NTM: variants seen among roughly 807,000 people sequenced by gnomAD.
NTM encodes neurotrimin, also known as IgLON family member 2.
NTM carries 13 observed loss-of-function variants against 42.1 expected under a neutral mutation model. The observed-to-expected ratio is 0.31, with a 90% CI of 0.20 to 0.49. The LOEUF is 0.49. Among genes scored for constraint, NTM ranks in the 20% least tolerant of loss-of-function variants. The pLI is 0.99. For synonymous variants in NTM, 187 were observed against 179.2 expected (o/e 1.04, Z -0.35); for missense variants, 373 against 452.8 (o/e 0.82, Z 1.60).
chr11:132,327,983 T>C (rs189362716), intron 7 of NTM, among the ~76,000 whole-genome samples: 4 of 152,200 alleles, frequency 2.6e-5, no homozygotes, highest in African/African-American at 7.2e-5. Flanking sequence ...AAGCTTGAAT[T>C]TTCAGGGATT....
At chr11:132,095,512 G>A (rs2060864695) in intron 2 of NTM, among the ~76,000 whole-genome samples, 2 of 152,188 alleles carry the variant, frequency 1.3e-5, no homozygotes, top group Admixed American at 1.3e-4. Flanking sequence ...TGAAAGCCCT[G>A]AACTGAGAGG....
chr11:131,567,674 G>T (rs529269458), intron 1 of NTM, among the ~76,000 whole-genome samples: 1 of 152,314 alleles, frequency 6.6e-6, no homozygotes, highest in Non-Finnish European at 1.5e-5. Context: ...TTAATAAATA[G>T]TGATAATTTC....
intron 1 of NTM, among the ~76,000 whole-genome samples, chr11:131,488,247 T>G (rs753120888): frequency 5.3e-5 from 8 of 152,184 alleles, no homozygotes; most frequent in Non-Finnish European, 1.2e-4. Flanking sequence ...CGGGTGGTCT[T>G]TCTGCTTTTT....
intron 1 of NTM, among the ~76,000 whole-genome samples, chr11:131,409,233 T>C (rs1022175888): frequency 6.6e-6 from 1 of 152,308 alleles, no homozygotes; most frequent in South Asian, 2.1e-4. Flanking sequence ...ATCAAACACT[T>C]GTTTGAGAAG....
chr11:132,248,822 C>G (rs1180716139), intron 4 of NTM, among the ~76,000 whole-genome samples: 1 of 152,246 alleles, frequency 6.6e-6, no homozygotes, highest in Non-Finnish European at 1.5e-5. Flanking sequence ...TTTTGCTCAG[C>G]TGCACTGCCA....
At chr11:132,328,948 T>C (rs1490428715) in intron 7 of NTM, among the ~76,000 whole-genome samples, 1 of 152,138 alleles carries the variant, frequency 6.6e-6, no homozygotes, top group Non-Finnish European at 1.5e-5. Context: ...TCAGATATTT[T>C]CTCAATCACA....
chr11:132,156,097 A>G (rs1187551933), intron 3 of NTM, among the ~76,000 whole-genome samples: 1 of 152,050 alleles, frequency 6.6e-6, no homozygotes, highest in Non-Finnish European at 1.5e-5. Context: ...TGCACCCCTC[A>G]CCCCTCATTT....
At chr11:131,548,506 T>C (rs1434197121) in intron 1 of NTM, among the ~76,000 whole-genome samples, 3 of 152,196 alleles carry the variant, frequency 2.0e-5, no homozygotes, top group African/African-American at 7.2e-5. Flanking sequence ...AAAGTTATAA[T>C]AATTATGATA....
At chr11:132,109,063 C>T (rs969233436) in intron 2 of NTM, among the ~76,000 whole-genome samples, 3 of 152,184 alleles carry the variant, frequency 2.0e-5, no homozygotes, top group African/African-American at 7.2e-5. Context: ...CATAGTGTTC[C>T]ATGGTGAATA....
intron 1 of NTM, among the ~76,000 whole-genome samples, chr11:131,847,214 GGTAA>G (rs2045014990): frequency 2.0e-5 from 3 of 151,962 alleles, no homozygotes; most frequent in South Asian, 2.1e-4. Context: ...CTAGTAAAGT[GGTAA>G]GTATTAAGTG....
intron 1 of NTM, among the ~76,000 whole-genome samples, chr11:131,851,389 C>T (rs757391206): frequency 6.6e-6 from 1 of 152,096 alleles, no homozygotes; most frequent in Non-Finnish European, 1.5e-5. Flanking sequence ...TCAGCCCTCC[C>T]GCTAATAGAA....
chr11:131,559,429 C>CT (rs1020261082), intron 1 of NTM, among the ~76,000 whole-genome samples: 5 of 152,176 alleles, frequency 3.3e-5, no homozygotes, highest in East Asian at 1.9e-4. Context: ...TTCTCCACTC[C>CT]TTTTTTCCCA....
At chr11:131,607,556 T>C (rs951143289) in intron 1 of NTM, among the ~76,000 whole-genome samples, 1 of 152,152 alleles carries the variant, frequency 6.6e-6, no homozygotes, top group African/African-American at 2.4e-5. Context: ...ATGGCCTCTC[T>C]CTCCTGGGGT....
chr11:131,680,429 CTG>C (rs1357092179), intron 1 of NTM, among the ~76,000 whole-genome samples: 2 of 140,560 alleles, frequency 1.4e-5, no homozygotes, highest in Non-Finnish European at 3.1e-5. Flanking sequence ...GCCTCTGTGT[CTG>C]TGTGTGAGAT....
intron 2 of NTM, among the ~76,000 whole-genome samples, chr11:132,115,206 A>C (rs916188467): frequency 6.6e-6 from 1 of 152,282 alleles, no homozygotes; most frequent in Middle Eastern, 3.4e-3. Context: ...TACGTAGGGT[A>C]ATTCTGGAGA....
rs992326130 is a variant in NTM, at chr11:132,146,043, G to A, written c.168-239G>A. On this transcript the variant is annotated intron_variant, in intron 2 of 8. Coordinates refer to ENST00000683400, the MANE Select transcript of NTM (RefSeq NM_001352005.2). This position sits in a 1 kb window ranked among gnomAD's most constrained non-coding sequence, Gnocchi z 4.5. ...GTACCTCTAGGTTATAACTGAGATC[G>A]TATTTGAAGTGGTTCTGTGCTCAAG... is the stretch of plus-strand genomic sequence containing the variant. Among the ~76,000 whole-genome samples, 4 of 152,194 alleles carry A rather than the reference G, an allele frequency of 2.6e-5. No homozygotes were observed. The highest frequency in any genetic ancestry group is 4.4e-5 in the Non-Finnish European group (3 of 68,048).
rs1462478726 is a variant in NTM, at chr11:131,789,489, AG to A, written c.83-122074del. 1.2e-3 allele frequency among the ~76,000 whole-genome samples: 11 copies of A among 9,070 alleles called. 5 individuals carry two copies. Among genetic ancestry groups the A allele is most frequent in the Admixed American group, 3.2e-3 (2 of 630 alleles). 6.0% of individuals were successfully genotyped at this position (9,070 alleles called of 152,430 possible). A position where few individuals can be genotyped will look rare whatever the true frequency, so the allele number is the denominator to read the frequency against. On this transcript the variant is annotated intron_variant, in intron 1 of 8. Transcript: ENST00000683400. Reference sequence around the variant, plus strand: ...AAGAAGAAGAAGAAGAAGAAGAAGAAGAGGAAAGAAGAAGAAGAAGAAGAAG... The same window carrying A: ...AAGAAGAAGAAGAAGAAGAAGAAGAAAGGAAAGAAGAAGAAGAAGAAGAAG...
intron 2 of NTM, among the ~76,000 whole-genome samples, chr11:132,006,047 C>G (rs2070696090): frequency 6.6e-6 from 1 of 152,204 alleles, no homozygotes; most frequent in Admixed American, 6.5e-5. Context: ...AATACAGCCC[C>G]TTTCCCTTCC....
intron 2 of NTM, among the ~76,000 whole-genome samples, chr11:132,011,971 A>G (rs1472141920): frequency 6.6e-6 from 1 of 152,190 alleles, no homozygotes; most frequent in African/African-American, 2.4e-5. Context: ...TTTTATCTCA[A>G]ACTCTTTAAT....
Sources: gnomAD v4.1 joint callset for allele counts (sites outside exome capture counted in the v4.1 genomes callset) on GRCh38, gnomAD v4.1.1 for gene constraint, Gnocchi (gnomAD v3.1) non-coding constraint, MANE v1.5 for transcripts, NCBI Gene and HGNC (gene_info 2026-07-23, HGNC 2026-07-21) for gene names.